SPTB: variants seen among roughly 807,000 people sequenced by gnomAD.
The protein encoded by SPTB is spectrin beta chain, erythrocytic.
In SPTB, 45 loss-of-function variants were observed where a neutral mutation model predicts 256.2. That is an observed-to-expected ratio of 0.18 (90% CI 0.14 to 0.23). The LOEUF (loss-of-function observed/expected upper bound fraction) is 0.23, where lower values mean the gene tolerates loss of function less well. Ranked by LOEUF, SPTB falls within the 10% of genes least tolerant of loss-of-function variation. The probability of loss-of-function intolerance (pLI) is 1.00; values close to 1 mark genes in which losing one functional copy is unlikely to be tolerated. For missense variants in SPTB, 2,715 were observed against 3,040.4 expected, an observed-to-expected ratio of 0.89 and a Z score of 2.52; for synonymous variants, 1,231 against 1,243.1, an observed-to-expected ratio of 0.99 and a Z score of 0.21.
Position 64,823,417 on chromosome 14 carries a change from G to A in SPTB, c.-51-272C>T, listed in dbSNP as rs1315702597. ...CGGCCAGCAGGTGGAGACGTCAGTC[G>A]CAGCCAGCTGCTTCCTCCAGACCAG... On this transcript the variant is annotated intron_variant, in intron 1 of 35. Transcript: ENST00000644917. This position sits in a 1 kb window ranked among gnomAD's most constrained non-coding sequence, Gnocchi z 6.5. Among the ~76,000 whole-genome samples, 3 of 152,206 alleles carry A rather than the reference G, an allele frequency of 2.0e-5. No homozygotes were observed. The highest frequency in any genetic ancestry group is 3.9e-4 in the East Asian group (2 of 5,190).
intron 32 of SPTB, 110 bp downstream of exon 32, chr14:64,766,616 C>T (rs367587843): frequency 9.9e-6 from 16 of 1,608,952 alleles, no homozygotes; most frequent in South Asian, 3.3e-5. Context: ...GGATGGAGGG[C>T]GGGGCTGCGC....
rs781104894 is a variant in SPTB, at chr14:64,793,488, C to A, written c.2175G>T (p.Trp725Cys). Reference protein sequence around the residue: ...EARIKEVSAQWDQLKDLAAFC... With the variant: ...EARIKEVSAQCDQLKDLAAFC... ...AGGCAGCCAGGTCCTTCAGCTGGTCCCACTGTGCCGACACCTCCTTTATGC... is the reference window on the plus strand; with the variant it reads ...AGGCAGCCAGGTCCTTCAGCTGGTCACACTGTGCCGACACCTCCTTTATGC... The change falls in exon 14 of 36, where the codon TGG (tryptophan) becomes TGT (cysteine). Residue 725 changes from tryptophan (W) to cysteine (C), a missense_variant. Coordinates refer to ENST00000644917, the MANE Select transcript of SPTB (RefSeq NM_001355436.2). The surrounding 1 kb of genome is among the most constrained non-coding windows in gnomAD (Gnocchi z 7.0). The A allele has an allele frequency of 6.2e-7, 1 of 1,614,168 alleles. No homozygotes were observed. Among genetic ancestry groups the A allele is most frequent in the Non-Finnish European group, 8.5e-7 (1 of 1,180,036 alleles).
rs74666863 is a variant in SPTB at position 64,801,792 on chromosome 14, C to T, written c.609G>A (p.Lys203=). The change falls in exon 6 of 36, where the codon AAG becomes AAA. Residue 203 remains lysine, a synonymous_variant. Coordinates refer to ENST00000644917, the MANE Select transcript of SPTB (RefSeq NM_001355436.2). ...VNVTNFTSSW[K]DGLAFNALIH... is the part of the protein sequence containing the mutation. ...TCAGGGCATTAAAGGCCAAGCCATCCTTCCAGCTGGAGGTAAAGTTGGTGA... is the reference window on the plus strand; with the variant it reads ...TCAGGGCATTAAAGGCCAAGCCATCTTTCCAGCTGGAGGTAAAGTTGGTGA... 16,842 of 1,614,202 alleles carry T rather than the reference C, an allele frequency of 0.01. 142 individuals are homozygous for T. Among genetic ancestry groups the T allele is most frequent in the South Asian group, 0.015 (1,400 of 91,078 alleles).
chr14:64,844,121 A>T lies in SPTB; in HGVS notation c.-51-20976T>A, dbSNP rs1320127736. ...TACCCATCCTCAAAATGGTACACCC[A>T]GGCTGGGTAGAGAATCTTCACGAAG... On this transcript the variant is annotated intron_variant, in intron 1 of 35. Coordinates refer to ENST00000644917, the MANE Select transcript of SPTB (RefSeq NM_001355436.2). This position sits in a 1 kb window ranked among gnomAD's most constrained non-coding sequence, Gnocchi z 4.1. 6.6e-6 allele frequency among the ~76,000 whole-genome samples: 1 copy of T among 152,216 alleles called. No individual in the cohort carries two copies. Among genetic ancestry groups the T allele is most frequent in the Non-Finnish European group, 1.5e-5 (1 of 68,042 alleles).
chr14:64,809,262 C>CAAAAA lies in SPTB; in HGVS notation c.149-4177_149-4173dup, dbSNP rs57245539. On this transcript the variant is annotated intron_variant, in intron 2 of 35. Transcript: ENST00000644917. ...GGGCAACAACAGCGAAACTTTGTAT[C>CAAAAA]AAAAAAAAAAAAAAAAAAAAAGGCC... Among the ~76,000 whole-genome samples the CAAAAA allele has an allele frequency of 5.2e-3, 471 of 91,018 alleles. 4 individuals are homozygous for CAAAAA. Among genetic ancestry groups the CAAAAA allele is most frequent in the African/African-American group, 0.018 (452 of 24,596 alleles). The allele number at this position is 91,018 out of a possible 152,430, so 59.7% of individuals were successfully genotyped here.
At chr14:64,848,458 A>G (rs1252693197) in intron 1 of SPTB, among the ~76,000 whole-genome samples, 1 of 152,164 alleles carries the variant, frequency 6.6e-6, no homozygotes, top group Non-Finnish European at 1.5e-5. Flanking sequence ...TGATGGTACC[A>G]TTTTCAATAT....
intron 30 of SPTB, 121 bp from the exon 31 acceptor site, chr14:64,767,473 T>TC (rs1465380731): frequency 6.9e-7 from 1 of 1,452,848 alleles, no homozygotes; most frequent in Non-Finnish European, 9.6e-7. Flanking sequence ...CCTTCTAGAG[T>TC]CAGCCCCTTC....
intron 1 of SPTB, among the ~76,000 whole-genome samples, chr14:64,836,522 G>A (rs187946807): frequency 1.1e-4 from 16 of 152,156 alleles, no homozygotes; most frequent in African/African-American, 3.4e-4. Flanking sequence ...AAAAGGGTAC[G>A]GTCGGTGGGG....
chr14:64,830,361 A>G (rs374699164), intron 1 of SPTB, among the ~76,000 whole-genome samples: 11,688 of 134,476 alleles, frequency 0.087, 509 homozygotes, highest in African/African-American at 0.11. Flanking sequence ...TATTATTATT[A>G]TTATTATTAT....
chr14:64,774,572 G>A (rs1448907467), intron 23 of SPTB, 45 bp from the exon 24 acceptor site: 17 of 1,550,760 alleles, frequency 1.1e-5, no homozygotes, highest in Non-Finnish European at 1.5e-5. Context: ...GTCTGGCCAT[G>A]ATCCCTCCCT....
At chr14:64,868,424 T>C (rs1882327022) in intron 1 of SPTB, among the ~76,000 whole-genome samples, 1 of 150,262 alleles carries the variant, frequency 6.7e-6, no homozygotes, top group Non-Finnish European at 1.5e-5. Context: ...AGATTTGGAG[T>C]GAAGAAGGGA....
chr14:64,785,372 C>G lies in SPTB; in HGVS notation c.3855+165G>C, dbSNP rs904862203. Among the ~76,000 whole-genome samples the G allele has an allele frequency of 6.6e-6, 1 of 151,958 alleles. No homozygotes were observed. Among genetic ancestry groups the G allele is most frequent in the Non-Finnish European group, 1.5e-5 (1 of 67,968 alleles). On this transcript the variant is annotated intron_variant, in intron 18 of 35. Transcript: ENST00000644917. The surrounding 1 kb of genome is among the most constrained non-coding windows in gnomAD (Gnocchi z 4.4). ...ATTTGAAAAAAAAAAAACAGTGCAA[C>G]TGAAGATTCCAGAGAATGACCCAAT...
In SPTB at chr14:64,786,854, T is replaced by C; in HGVS notation, c.3111A>G (p.Lys1037=). ...EQKEDIGQRQ[K]HLEELWQGLQ... is the part of the protein sequence containing the mutation. ...GGCCCTGCCACAGCTCCTCCAAGTGTTTTTGCCGCTGACCAATATCCTCCT... is the reference window on the plus strand; with the variant it reads ...GGCCCTGCCACAGCTCCTCCAAGTGCTTTTGCCGCTGACCAATATCCTCCT... Residue 1037 remains lysine, a synonymous_variant, in exon 16 of 36, where the codon AAA becomes AAG. Coordinates refer to ENST00000644917, the MANE Select transcript of SPTB (RefSeq NM_001355436.2). This position sits in a 1 kb window ranked among gnomAD's most constrained non-coding sequence, Gnocchi z 5.6. 3.7e-6 allele frequency: 6 copies of C among 1,613,188 alleles called. No homozygotes were observed. The highest frequency in any genetic ancestry group is 5.1e-6 in the Non-Finnish European group (6 of 1,179,984).
At chr14:64,773,635 AT>A (rs2082312302) in intron 24 of SPTB, among the ~76,000 whole-genome samples, 1 of 152,182 alleles carries the variant, frequency 6.6e-6, no homozygotes, top group African/African-American at 2.4e-5. Context: ...GTGTCCTGGA[AT>A]TCTGTCCTGG....
intron 24 of SPTB, among the ~76,000 whole-genome samples, 169 bp from the exon 25 acceptor site, chr14:64,773,593 G>A (rs1364775793): frequency 6.6e-6 from 1 of 152,166 alleles, no homozygotes; most frequent in South Asian, 2.1e-4. Context: ...GGAGAGAAGG[G>A]GCCACACCCT....
intron 1 of SPTB, among the ~76,000 whole-genome samples, chr14:64,876,602 TTTC>T (rs1404159962): frequency 2.6e-5 from 4 of 152,200 alleles, no homozygotes; most frequent in African/African-American, 9.7e-5. Flanking sequence ...TTACTTAAGA[TTTC>T]TTGTCTCTAG....
rs35533493 is a variant in SPTB at position 64,800,891 on chromosome 14, C to CT, written c.764-24dup. On this transcript the variant is annotated intron_variant, in intron 7 of 35. Coordinates refer to ENST00000644917, the MANE Select transcript of SPTB (RefSeq NM_001355436.2). ...CATCTGTTAGGGAAAAGGGTGTACT[C>CT]TCAGGACCAAACTGGAAGTCGGGAA... The CT allele has an allele frequency of 0.049, 78,502 of 1,591,154 alleles. 2,487 individuals are homozygous for CT. The highest frequency in any genetic ancestry group is 0.16 in the East Asian group (7,086 of 44,646).
At position 64,823,292 on chromosome 14, in the gene SPTB, G is replaced by A. The variant is rs576683600; in HGVS notation, c.-51-147C>T. On this transcript the variant is annotated intron_variant, in intron 1 of 35. Coordinates refer to ENST00000644917, the MANE Select transcript of SPTB (RefSeq NM_001355436.2). The surrounding 1 kb of genome is among the most constrained non-coding windows in gnomAD (Gnocchi z 6.5). ...CTGCCTGGGCGTGCTTCCTACCAGG[G>A]TCTCTGGGTCGTTTGTTATAAAATA... 2.4e-4 allele frequency: 159 copies of A among 665,342 alleles called. 2 individuals carry two copies. The East Asian group carries it at 4.0e-3, about 17-fold the overall frequency. 41.2% of individuals were successfully genotyped at this position (665,342 alleles called of 1,614,324 possible). A position where few individuals can be genotyped will look rare whatever the true frequency, so the allele number is the denominator to read the frequency against.
rs75395932 is a variant in SPTB, at chr14:64,805,763, C to T, written c.149-673G>A. Among the ~76,000 whole-genome samples, 214 of 152,266 alleles carry T rather than the reference C, an allele frequency of 1.4e-3. 2 individuals carry two copies. In the East Asian group the frequency reaches 0.017, roughly 12 times the overall value. On this transcript the variant is annotated intron_variant, in intron 2 of 35. Coordinates refer to ENST00000644917, the MANE Select transcript of SPTB (RefSeq NM_001355436.2). ...GGCAGCGCTGTGCTAGGCCTGAGGA[C>T]ACACAGAGGTAAAACAAATTTCCTG...
Sources: allele counts gnomAD v4.1 joint callset (sites outside exome capture counted in the v4.1 genomes callset), GRCh38; gene constraint gnomAD v4.1.1; non-coding constraint Gnocchi (gnomAD v3.1); transcripts MANE v1.5; gene names NCBI Gene and HGNC (gene_info 2026-07-23, HGNC 2026-07-21).